SLC30A8: variants seen among roughly 807,000 people sequenced by gnomAD.
SLC30A8 encodes proton-coupled zinc antiporter SLC30A8.
In SLC30A8, 27 loss-of-function variants were observed where a neutral mutation model predicts 36.9. The observed-to-expected ratio is 0.73, with a 90% CI of 0.54 to 1.01. The LOEUF is 1.01. SLC30A8 is among the 50% of genes least tolerant of loss of function. The pLI is 0.00. For missense variants in SLC30A8, 439 were observed against 452.0 expected, an observed-to-expected ratio of 0.97 and a Z score of 0.26; for synonymous variants, 164 against 172.4, an observed-to-expected ratio of 0.95 and a Z score of 0.38.
chr8:117,152,343 T>C (rs989525105), intron 2 of SLC30A8, among the ~76,000 whole-genome samples: 5 of 152,150 alleles, frequency 3.3e-5, no homozygotes, highest in Non-Finnish European at 7.3e-5. Flanking sequence ...ATGGCTTACA[T>C]TGCATCCCTA....
intron 5 of SLC30A8, among the ~76,000 whole-genome samples, chr8:117,162,322 G>A (rs891900306): frequency 2.0e-5 from 3 of 151,942 alleles, no homozygotes; most frequent in African/African-American, 4.8e-5. Flanking sequence ...TTCTGTGAAC[G>A]GGAGTCCAGT....
At chr8:117,006,059 A>G (rs956077157) in intron 1 of SLC30A8, among the ~76,000 whole-genome samples, 1 of 152,222 alleles carries the variant, frequency 6.6e-6, no homozygotes, top group Non-Finnish European at 1.5e-5. Context: ...TGGATTTTAC[A>G]GGAAAAGTAA....
intron 4 of SLC30A8, among the ~76,000 whole-genome samples, chr8:117,159,295 A>C (rs984067686): frequency 1.3e-4 from 20 of 152,240 alleles, no homozygotes; most frequent in Admixed American, 1.2e-3. Flanking sequence ...AACTTGACAC[A>C]TGCTATGAGG....
intron 1 of SLC30A8, among the ~76,000 whole-genome samples, chr8:116,977,287 T>C (rs961075018): frequency 8.0e-5 from 12 of 149,448 alleles, no homozygotes; most frequent in Admixed American, 6.7e-4. Flanking sequence ...TAGCTGGGAC[T>C]ACAGGCGCCC....
chr8:117,114,562 A>G (rs927995588), intron 2 of SLC30A8, among the ~76,000 whole-genome samples: 2 of 152,070 alleles, frequency 1.3e-5, no homozygotes, highest in African/African-American at 4.8e-5. Context: ...TAGCCCTCCT[A>G]TTAAAACTGT....
At chr8:117,160,434 T>TGTGTGTGTGC (rs1333939658) in intron 4 of SLC30A8, among the ~76,000 whole-genome samples, 3 of 146,246 alleles carry the variant, frequency 2.1e-5, no homozygotes, top group South Asian at 2.1e-4. Flanking sequence ...TGTGTGTGTG[T>TGTGTGTGTGC]GCGCGCACAT....
intron 1 of SLC30A8, among the ~76,000 whole-genome samples, chr8:117,139,817 C>G (rs1379951558): frequency 1.4e-5 from 2 of 142,944 alleles, no homozygotes; most frequent in Non-Finnish European, 3.0e-5. Flanking sequence ...TGAGGAATGG[C>G]AACAGAGGCT....
At chr8:117,104,192 A>G (rs562984313) in intron 2 of SLC30A8, among the ~76,000 whole-genome samples, 10 of 152,320 alleles carry the variant, frequency 6.6e-5, no homozygotes, top group African/African-American at 2.4e-4. Context: ...GACTAGGCTG[A>G]GAATTTTCTA....
intron 2 of SLC30A8, among the ~76,000 whole-genome samples, chr8:117,064,924 T>C (rs1818124974): frequency 6.6e-6 from 1 of 152,204 alleles, no homozygotes; most frequent in Non-Finnish European, 1.5e-5. Context: ...ATAAAATCGA[T>C]TGAAGCGTTC....
At chr8:117,141,257 T>A (rs1479445880) in intron 1 of SLC30A8, among the ~76,000 whole-genome samples, 1 of 152,100 alleles carries the variant, frequency 6.6e-6, no homozygotes, top group African/African-American at 2.4e-5. Flanking sequence ...CCCTTATGAA[T>A]ACAGATGCAG....
At chr8:117,078,338 A>G (rs571633787) in intron 2 of SLC30A8, among the ~76,000 whole-genome samples, 14 of 152,330 alleles carry the variant, frequency 9.2e-5, no homozygotes, top group African/African-American at 3.4e-4. Flanking sequence ...CACTCTTCCA[A>G]GCAGGCCACA....
chr8:117,078,207 T>G (rs1818550736), intron 2 of SLC30A8, among the ~76,000 whole-genome samples: 1 of 152,234 alleles, frequency 6.6e-6, no homozygotes, highest in Non-Finnish European at 1.5e-5. Context: ...TAGCAGGATA[T>G]TTTTCTTTCT....
chr8:117,149,784 A>G (rs1822084529), intron 2 of SLC30A8, among the ~76,000 whole-genome samples: 1 of 152,112 alleles, frequency 6.6e-6, no homozygotes, highest in East Asian at 1.9e-4. Context: ...CCTTACACAT[A>G]TTTATTTTAC....
At chr8:117,010,201 C>A (rs1169266585) in intron 1 of SLC30A8, among the ~76,000 whole-genome samples, 1 of 152,182 alleles carries the variant, frequency 6.6e-6, no homozygotes, top group East Asian at 1.9e-4. Context: ...TTGTACTCTT[C>A]CAAACTGAGG....
At chr8:117,038,511 T>A (rs1212017272) in intron 1 of SLC30A8, among the ~76,000 whole-genome samples, 1 of 152,238 alleles carries the variant, frequency 6.6e-6, no homozygotes, top group East Asian at 1.9e-4. Flanking sequence ...CCAGAACTCA[T>A]TTGGCCATTC....
In SLC30A8 at chr8:117,074,990, A is replaced by G. The variant is rs1818447150; in HGVS notation, c.-226+35732A>G. On this transcript the variant is annotated intron_variant, in intron 2 of 10. Coordinates refer to the SLC30A8 transcript ENST00000427715. ...TAGTTTTTTTTTCTTAAATAGGTCTATAGGGAGAAAACCAACAGCAACAGT... is the reference window on the plus strand; with the variant it reads ...TAGTTTTTTTTTCTTAAATAGGTCTGTAGGGAGAAAACCAACAGCAACAGT... Among the ~76,000 whole-genome samples the G allele has an allele frequency of 2.0e-5, 3 of 152,250 alleles. No individual in the cohort carries two copies. In the South Asian group the frequency reaches 6.2e-4, roughly 32 times the overall value.
intron 4 of SLC30A8, among the ~76,000 whole-genome samples, chr8:117,160,690 A>G (rs140714208): frequency 2.2e-4 from 33 of 152,334 alleles, no homozygotes; most frequent in Middle Eastern, 3.4e-3. Flanking sequence ...TCTGTCAGCC[A>G]TATCAGGCTG....
intron 1 of SLC30A8, among the ~76,000 whole-genome samples, chr8:116,976,818 CTT>C (rs1554620309): frequency 2.2e-5 from 3 of 134,646 alleles, no homozygotes; most frequent in Non-Finnish European, 4.6e-5. Flanking sequence ...TTCTTTCTTT[CTT>C]TCTTTTTTTT....
chr8:117,160,454 G>A (rs1822732200), intron 4 of SLC30A8, among the ~76,000 whole-genome samples: 1 of 134,644 alleles, frequency 7.4e-6, no homozygotes, highest in East Asian at 2.0e-4. Flanking sequence ...TGTGCGCGCG[G>A]TGGGGGAGTG....
Sources: allele counts gnomAD v4.1 joint callset (sites outside exome capture counted in the v4.1 genomes callset), GRCh38; gene constraint gnomAD v4.1.1; transcripts MANE v1.5; gene names NCBI Gene and HGNC (gene_info 2026-07-23, HGNC 2026-07-21).